SFTPB: variants seen among roughly 807,000 people sequenced by gnomAD.
The protein encoded by SFTPB is surfactant protein B, also known as pulmonary surfactant-associated protein B.
Under a neutral mutation model 51.0 loss-of-function variants are expected in SFTPB, and 32 were observed. The ratio of observed to expected loss-of-function variants is 0.63; its 90% CI spans 0.47 to 0.84. The LOEUF (loss-of-function observed/expected upper bound fraction) is 0.84. SFTPB is among the 40% of genes least tolerant of loss of function. The probability of loss-of-function intolerance (pLI) is 0.00; values close to 1 mark genes in which losing one functional copy is unlikely to be tolerated. For missense variants in SFTPB, 431 were observed against 491.2 expected (o/e 0.88, Z 1.16); for synonymous variants, 211 against 208.5 (o/e 1.01, Z -0.10).
At chr2:85,663,233 C>T (rs1677398724) in intron 8 of SFTPB, 113 bp downstream of exon 8, 1 of 1,408,508 alleles carries the variant, frequency 7.1e-7, no homozygotes. Context: ...GTCTGCCTGT[C>T]TGTGCTCCAT....
chr2:85,668,543 TC>T (rs916968587), upstream of SFTPB: 36 of 337,846 alleles, frequency 1.1e-4, no homozygotes, highest in African/African-American at 7.1e-4. Context: ...GGTGTTCCCC[TC>T]CCATCCCCTC....
At chr2:85,666,568 C>T in intron 4 of SFTPB, 49 bp downstream of exon 4, 1 of 1,601,866 alleles carries the variant, frequency 6.2e-7, no homozygotes, top group Non-Finnish European at 8.5e-7. Context: ...TGGGTGGGCA[C>T]AGGGGCCTGC....
chr2:85,657,782 G>A lies in SFTPB; in HGVS notation c.*1920C>T, dbSNP rs940445353. The A allele has an allele frequency of 1.3e-5, 2 of 152,192 alleles. No individual in the cohort carries two copies. Among genetic ancestry groups the A allele is most frequent in the African/African-American group, 4.8e-5 (2 of 41,438 alleles). 9.4% of individuals were successfully genotyped at this position (152,192 alleles called of 1,614,324 possible). On this transcript the variant is annotated 3_prime_UTR_variant, in exon 11 of 11. Transcript: ENST00000519937. Reference sequence around the variant, plus strand: ...GATTATCATTAGTTCTTGTAGGTTTGGGATAGGCGGTGGAGTTAGGAGCAA... The same window carrying A: ...GATTATCATTAGTTCTTGTAGGTTTAGGATAGGCGGTGGAGTTAGGAGCAA...
At chr2:85,665,228 G>A (rs923334946) in intron 6 of SFTPB, 61 bp downstream of exon 6, 1 of 1,219,284 alleles carries the variant, frequency 8.2e-7, no homozygotes, top group South Asian at 1.2e-5. Context: ...AGAGGTGGGA[G>A]CTGCAGGGAG....
chr2:85,661,441 G>A lies in SFTPB; in HGVS notation c.*19+13C>T, dbSNP rs769355789. ...GCCCCCTTACCTCCCCGCAACTGGGGGCCTGGACTCACCTGGACAGCTGAG... is the reference window on the plus strand; with the variant it reads ...GCCCCCTTACCTCCCCGCAACTGGGAGCCTGGACTCACCTGGACAGCTGAG... On this transcript the variant is annotated intron_variant, in intron 10 of 10. Coordinates refer to ENST00000519937, the MANE Select transcript of SFTPB (RefSeq NM_000542.5). 1.3e-5 allele frequency: 21 copies of A among 1,590,182 alleles called. No homozygotes were observed. In the South Asian group the frequency reaches 2.4e-4, roughly 18 times the overall value.
rs1414877637 is a variant in SFTPB, at chr2:85,666,808, A to G, written c.268-66T>C. The G allele has an allele frequency of 5.0e-6, 8 of 1,603,676 alleles. No homozygotes were observed. The Admixed American group carries it at 1.3e-4, about 27-fold the overall frequency. The stretch of plus-strand genomic sequence containing the variant: ...GTCTACCCCGCCCAAGTCCCTGGAC[A>G]CAAGGCCCCACCAGGGCAGACTGAC... On this transcript the variant is annotated intron_variant, in intron 3 of 10. Transcript: ENST00000519937.
chr2:85,666,534 G>T, intron 4 of SFTPB, 83 bp downstream of exon 4: 2 of 1,412,836 alleles, frequency 1.4e-6, no homozygotes, highest in Non-Finnish European at 9.9e-7. Context: ...TGGCTGGCTG[G>T]GGTGCTGTGT....
chr2:85,663,814 G>T lies in SFTPB; in HGVS notation c.706C>A (p.Arg236Ser). The change falls in exon 7 of 11, where the codon CGC becomes AGC. Residue 236 changes from arginine to serine, a missense_variant. Physicochemically the swap from Arg to Ser is moderately radical, Grantham distance 110 (BLOSUM62 -1). Coordinates refer to ENST00000519937, the MANE Select transcript of SFTPB (RefSeq NM_000542.5). ...ALAVAVAQVC[R>S]VVPLVAGGIC... ...CCGCCCGCCACCAGAGGTACCACGC[G>T]GCACACCTGGGCCACTGCCACAGCT... is the stretch of plus-strand genomic sequence containing the variant. 1.3e-6 allele frequency: 2 copies of T among 1,596,134 alleles called. No homozygotes were observed. The highest frequency in any genetic ancestry group is 2.3e-5 in the South Asian group (2 of 88,766).
At chr2:85,665,244 G>T in intron 6 of SFTPB, 45 bp downstream of exon 6, 3 of 1,363,612 alleles carry the variant, frequency 2.2e-6, no homozygotes, top group Non-Finnish European at 3.2e-6. Flanking sequence ...GGGAGCTACA[G>T]GTATGCGTGT....
Position 85,662,840 on chromosome 2 carries a change from C to CAA in SFTPB, c.1002+504_1002+505dup, listed in dbSNP as rs34015129. ...GGGCAACAAGAGCAAAACTCCATCT[C>CAA]AAAAAAAAAAAAAAAAAAAAAAAAA... On this transcript the variant is annotated intron_variant, in intron 8 of 10. Transcript: ENST00000519937. 3.9e-3 allele frequency among the ~76,000 whole-genome samples: 108 copies of CAA among 27,564 alleles called. 1 individual carries two copies. Among genetic ancestry groups the CAA allele is most frequent in the Admixed American group, 0.01 (24 of 2,294 alleles). 18.1% of individuals were successfully genotyped at this position (27,564 alleles called of 152,430 possible).
chr2:85,665,449 C>T (rs751720412), intron 5 of SFTPB, 71 bp from the exon 6 acceptor site: 802 of 1,454,906 alleles, frequency 5.5e-4, no homozygotes, highest in Non-Finnish European at 7.0e-4. Context: ...CCTCCCCTCT[C>T]TCTTCCTCCC....
At chr2:85,668,085 G>T in intron 1 of SFTPB, 32 bp downstream of exon 1, 1 of 1,505,286 alleles carries the variant, frequency 6.6e-7, no homozygotes, top group Non-Finnish European at 9.1e-7. Context: ...TGGTGGAGCT[G>T]CCTAGGAGAG....
chr2:85,666,638 G>C lies in SFTPB; in HGVS notation c.372C>G (p.Ile124Met). 1.2e-6 allele frequency: 2 copies of C among 1,613,608 alleles called. No individual in the cohort carries two copies. The highest frequency in any genetic ancestry group is 1.7e-6 in the Non-Finnish European group (2 of 1,179,742). The change falls in exon 4 of 11, where the codon ATC becomes ATG. Residue 124 changes from isoleucine to methionine, a missense_variant. Physicochemically the swap from Ile to Met is conservative, Grantham distance 10. Coordinates refer to ENST00000519937, the MANE Select transcript of SFTPB (RefSeq NM_000542.5). ...QVLDDYFPLV[I>M]DYFQNQTDSN... ...TCACAGTCTGGTTCTGGAAGTAGTC[G>C]ATGACCAGGGGGAAGTAGTCGTCAA...
rs758573590 is a variant in SFTPB, at chr2:85,666,623, G to C, written c.387C>G (p.Asn129Lys). 3.1e-6 allele frequency: 5 copies of C among 1,613,490 alleles called. No homozygotes were observed. The highest frequency in any genetic ancestry group is 2.5e-6 in the Non-Finnish European group (3 of 1,179,716). The change falls in exon 4 of 11, where the codon AAC (asparagine) becomes AAG (lysine). Residue 129 changes from asparagine (N) to lysine (K), a missense_variant. By Grantham distance (94) the Asn-to-Lys change is moderately conservative. Transcript: ENST00000519937. Reference sequence around the variant, plus strand: ...GTGAGCTTGCAGCCCTCACAGTCTGGTTCTGGAAGTAGTCGATGACCAGGG... The same window carrying C: ...GTGAGCTTGCAGCCCTCACAGTCTGCTTCTGGAAGTAGTCGATGACCAGGG... ...YFPLVIDYFQNQTDSNGICMH... is the reference protein window; with the variant it reads ...YFPLVIDYFQKQTDSNGICMH...
At chr2:85,666,792 G>A (rs375755445) in intron 3 of SFTPB, 50 bp from the exon 4 acceptor site, 69 of 1,611,830 alleles carry the variant, frequency 4.3e-5, no homozygotes, top group South Asian at 7.7e-5. Context: ...GGTCTACCCC[G>A]CCCAAGTCCC....
At chr2:85,663,910 C>T in intron 6 of SFTPB, 63 bp from the exon 7 acceptor site, 1 of 1,475,284 alleles carries the variant, frequency 6.8e-7, no homozygotes, top group South Asian at 1.2e-5. Context: ...CACTCTCTGC[C>T]CAGCACCCAG....
chr2:85,662,809 C>T (rs997449161), intron 8 of SFTPB, among the ~76,000 whole-genome samples: 2 of 138,268 alleles, frequency 1.4e-5, no homozygotes, highest in Non-Finnish European at 3.0e-5. Context: ...CATTGCACTC[C>T]AGCCTGGGCA....
At chr2:85,663,310 G>T in intron 8 of SFTPB, 36 bp downstream of exon 8, 2 of 1,604,926 alleles carry the variant, frequency 1.2e-6, no homozygotes, top group Non-Finnish European at 1.7e-6. Flanking sequence ...CCTTGAACGG[G>T]CCCTGACCAT....
intron 1 of SFTPB, 51 bp downstream of exon 1, chr2:85,668,066 C>A: frequency 1.4e-6 from 2 of 1,422,554 alleles, no homozygotes; most frequent in Non-Finnish European, 1.9e-6. Flanking sequence ...CAAAGCAGTG[C>A]TCAGTGAGTG....
Sources: allele counts gnomAD v4.1 joint callset (sites outside exome capture counted in the v4.1 genomes callset), GRCh38; gene constraint gnomAD v4.1.1; transcripts MANE v1.5; gene names NCBI Gene and HGNC (gene_info 2026-07-23, HGNC 2026-07-21).